The following FANCI variants were observed in gnomAD, a reference collection of about 807,000 sequenced individuals.
FANCI encodes Fanconi anemia group I protein.
A neutral mutation model predicts 176.1 loss-of-function variants in FANCI; 156 were observed. The ratio of observed to expected loss-of-function variants is 0.89; its 90% confidence interval spans 0.78 to 1.01. FANCI has a LOEUF of 1.01. Among genes scored for constraint, FANCI ranks in the 50% least tolerant of loss-of-function variants. The pLI, the probability that FANCI is intolerant of heterozygous loss-of-function variation, is 0.00. For missense variants in FANCI, 1,678 were observed against 1,534.1 expected (o/e 1.09, Z -1.57); for synonymous variants, 613 against 541.7 (o/e 1.13, Z -1.83).
chr15:89,264,059 G>T, intron 8 of FANCI, 33 bp downstream of exon 8: 12 of 1,613,492 alleles, frequency 7.4e-6, no homozygotes, highest in Non-Finnish European at 1.0e-5. Flanking sequence ...CCTTAGTTCT[G>T]GTGGTATGAC....
chr15:89,302,906 A>G (rs528262597), intron 27 of FANCI, among the ~76,000 whole-genome samples: 7 of 152,268 alleles, frequency 4.6e-5, no homozygotes, highest in Admixed American at 3.9e-4. Flanking sequence ...AATGGGTAAT[A>G]AAGTCCTATG....
Position 89,316,855 on chromosome 15 carries a change from T to TG in FANCI, c.*397dup. 6.5e-7 allele frequency: 1 copy of TG among 1,535,044 alleles called. No individual in the cohort carries two copies. On this transcript the variant is annotated 3_prime_UTR_variant, in exon 38 of 38. Transcript: ENST00000310775. ...GAAAGATAGTGCAAATTGGTTAGGA[T>TG]GCCACCTCAAGAACTGTAACTGAGA...
rs894018888 is a variant in FANCI, at chr15:89,292,745, C to T, written c.2050C>T (p.Pro684Ser). Residue 684 changes from proline (P) to serine (S), a missense_variant, in exon 21 of 38, where the codon CCC (proline) becomes TCC (serine). By Grantham distance (74) the Pro-to-Ser change is moderately conservative. Transcript: ENST00000310775. ...GGCCTGGTATAAGAATACAGTCATA[C>T]CCTTACAGCAGGGAGAGGAGGAAGA... ...CLAWYKNTVI[P>S]LQQGEEEEEE... 1.2e-6 allele frequency: 2 copies of T among 1,613,858 alleles called. No individual in the cohort carries two copies. The highest frequency in any genetic ancestry group is 1.7e-6 in the Non-Finnish European group (2 of 1,179,962).
intron 14 of FANCI, among the ~76,000 whole-genome samples, chr15:89,280,725 T>C (rs2053581519): frequency 6.6e-6 from 1 of 152,240 alleles, no homozygotes; most frequent in African/African-American, 2.4e-5. Context: ...GATTTACCTC[T>C]TTAATTCTTT....
intron 10 of FANCI, among the ~76,000 whole-genome samples, chr15:89,271,993 T>A (rs1457140152): frequency 6.6e-6 from 1 of 152,236 alleles, no homozygotes; most frequent in East Asian, 1.9e-4. Context: ...CTGGCTTATA[T>A]GAGAAATTTA....
chr15:89,265,602 C>T (rs1216870851), intron 9 of FANCI, among the ~76,000 whole-genome samples: 2 of 151,628 alleles, frequency 1.3e-5, no homozygotes, highest in African/African-American at 4.8e-5. Flanking sequence ...CGGCTCAGTG[C>T]AACCTCCACC....
chr15:89,290,071 A>C (rs2054001449), intron 18 of FANCI, 142 bp from the exon 19 acceptor site: 1 of 708,960 alleles, frequency 1.4e-6, no homozygotes, highest in Non-Finnish European at 2.5e-6. Context: ...CATTTATATT[A>C]GGGCATTTAG....
At chr15:89,258,669 T>A in intron 2 of FANCI, 35 bp from the exon 3 acceptor site, 1 of 1,539,122 alleles carries the variant, frequency 6.5e-7, no homozygotes, top group East Asian at 2.2e-5. Context: ...TAAAAGACTG[T>A]TGCCAGAGAC....
intron 32 of FANCI, among the ~76,000 whole-genome samples, chr15:89,306,553 G>A (rs759045288): frequency 8.6e-5 from 13 of 152,018 alleles, no homozygotes; most frequent in Non-Finnish European, 1.8e-4. Context: ...GTAGCTGGGC[G>A]TGGTGGTGGG....
chr15:89,290,619 G>T, intron 19 of FANCI: 1 of 253,746 alleles, frequency 3.9e-6, no homozygotes, highest in Non-Finnish European at 7.8e-6. Context: ...AACAAATATA[G>T]CAAAATATTA....
chr15:89,284,235 G>T (rs2053731972), intron 17 of FANCI, among the ~76,000 whole-genome samples: 1 of 152,054 alleles, frequency 6.6e-6, no homozygotes, highest in African/African-American at 2.4e-5. Flanking sequence ...CTTGTAATCT[G>T]GGAAAACAAA....
At chr15:89,293,104 C>A in intron 22 of FANCI, 41 bp downstream of exon 22, 2 of 1,602,558 alleles carry the variant, frequency 1.2e-6, no homozygotes, top group Non-Finnish European at 1.7e-6. Context: ...TTGATGAATT[C>A]TCCATTTTAT....
chr15:89,247,838 A>T lies in FANCI; in HGVS notation c.84+107A>T, dbSNP rs905382266. 4.7e-6 allele frequency: 4 copies of T among 844,136 alleles called. No individual in the cohort carries two copies. The East Asian group carries it at 1.0e-4, about 21-fold the overall frequency. The allele number at this position is 844,136 out of a possible 1,614,324, so 52.3% of individuals were successfully genotyped here. ...TACGCTGCTTCTTCATCTACTCCCC[A>T]TTCACTGTAGGAGACAAGGATTTAT... On this transcript the variant is annotated intron_variant, in intron 2 of 37. Coordinates refer to ENST00000310775, the MANE Select transcript of FANCI (RefSeq NM_001113378.2).
intron 3 of FANCI, among the ~76,000 whole-genome samples, chr15:89,260,009 G>A (rs901061864): frequency 6.7e-6 from 1 of 149,210 alleles, no homozygotes; most frequent in Admixed American, 6.7e-5. Flanking sequence ...GAGTGGAATT[G>A]CCGGATCATG....
chr15:89,268,314 GC>G, intron 9 of FANCI, 84 bp from the exon 10 acceptor site: 1 of 1,458,710 alleles, frequency 6.9e-7, no homozygotes, highest in Admixed American at 1.7e-5. Flanking sequence ...CAAGTGATGC[GC>G]CCGCCTTGGC....
intron 20 of FANCI, 132 bp downstream of exon 20, chr15:89,291,846 C>A: frequency 1.3e-6 from 1 of 746,262 alleles, no homozygotes; most frequent in East Asian, 2.7e-5. Flanking sequence ...TAAGTCTTCC[C>A]TGCTTATCAT....
At chr15:89,297,744 AGAGAGG>A (rs1444544399) in intron 24 of FANCI, among the ~76,000 whole-genome samples, 2 of 126,076 alleles carry the variant, frequency 1.6e-5, no homozygotes, top group African/African-American at 6.1e-5. Context: ...GACCGTGGAA[AGAGAGG>A]GAGAGGGAGA....
chr15:89,287,448 G>T (rs1183817503), intron 18 of FANCI, among the ~76,000 whole-genome samples: 1 of 152,142 alleles, frequency 6.6e-6, no homozygotes, highest in African/African-American at 2.4e-5. Flanking sequence ...TGGCTGGCTT[G>T]GTCTTTTACC....
At chr15:89,282,885 C>A in intron 16 of FANCI, 1 of 479,592 alleles carries the variant, frequency 2.1e-6, no homozygotes, top group Non-Finnish European at 3.8e-6. Flanking sequence ...CTCACATAGA[C>A]TTGAGAGCAG....
Sources: gnomAD v4.1 joint callset for allele counts (sites outside exome capture counted in the v4.1 genomes callset) on GRCh38, gnomAD v4.1.1 for gene constraint, MANE v1.5 for transcripts, NCBI Gene and HGNC (gene_info 2026-07-23, HGNC 2026-07-21) for gene names.